The following NTM variants were observed in gnomAD, a reference collection of about 807,000 sequenced individuals.
NTM encodes the protein IgLON family member 2.
A neutral mutation model predicts 42.1 loss-of-function variants in NTM; 13 were observed. That is an observed-to-expected ratio of 0.31 (90% CI 0.20 to 0.49). The LOEUF is 0.49. NTM is among the 20% of genes least tolerant of loss of function. NTM has a pLI of 0.99. For synonymous variants in NTM, 187 were observed against 179.2 expected (o/e 1.04, Z -0.35); for missense variants, 373 against 452.8 (o/e 0.82, Z 1.60).
intron 3 of NTM, among the ~76,000 whole-genome samples, chr11:132,157,612 T>G (rs1270237218): frequency 6.6e-6 from 1 of 152,178 alleles, no homozygotes; most frequent in Non-Finnish European, 1.5e-5. Context: ...GGGACCAGAG[T>G]TGAAGATTAA....
At chr11:132,068,511 C>T (rs1007281999) in intron 2 of NTM, among the ~76,000 whole-genome samples, 13 of 152,172 alleles carry the variant, frequency 8.5e-5, no homozygotes, top group African/African-American at 1.2e-4. Context: ...TCTATGGATT[C>T]GCTGGTAAAG....
intron 1 of NTM, among the ~76,000 whole-genome samples, chr11:131,840,965 A>G (rs1208665278): frequency 6.6e-6 from 1 of 152,238 alleles, no homozygotes; most frequent in Non-Finnish European, 1.5e-5. Context: ...ATGGTGAATG[A>G]ACTAGTGGGA....
intron 1 of NTM, among the ~76,000 whole-genome samples, chr11:131,422,550 C>T (rs958305535): frequency 1.3e-5 from 2 of 152,200 alleles, no homozygotes. Flanking sequence ...GGGCAAATCT[C>T]AGAATCCCCC....
chr11:131,801,369 G>A lies in NTM; in HGVS notation c.83-110195G>A, dbSNP rs184520840. 2.5e-3 allele frequency among the ~76,000 whole-genome samples: 382 copies of A among 152,244 alleles called. 7 individuals are homozygous for A. Among genetic ancestry groups the A allele is most frequent in the African/African-American group, 8.5e-3 (355 of 41,550 alleles). On this transcript the variant is annotated intron_variant, in intron 1 of 8. Coordinates refer to ENST00000683400, the MANE Select transcript of NTM (RefSeq NM_001352005.2). Reference sequence around the variant, plus strand: ...GATGTCCAGGTCATCCCTGAGCGAGGGAGAAGGCCAGTAGCCAGTCCTGGG... The same window carrying A: ...GATGTCCAGGTCATCCCTGAGCGAGAGAGAAGGCCAGTAGCCAGTCCTGGG...
intron 4 of NTM, among the ~76,000 whole-genome samples, chr11:132,301,103 G>T (rs890501825): frequency 6.6e-6 from 1 of 152,176 alleles, no homozygotes; most frequent in Admixed American, 6.5e-5. Flanking sequence ...AAGAAAAGAG[G>T]TTTAATCGAC....
intron 2 of NTM, among the ~76,000 whole-genome samples, chr11:132,143,778 A>G (rs1371879111): frequency 6.6e-6 from 1 of 152,130 alleles, no homozygotes; most frequent in East Asian, 1.9e-4. Context: ...TTCTTGAGAG[A>G]TTTCAAACTT....
intron 1 of NTM, among the ~76,000 whole-genome samples, chr11:131,481,282 C>T (rs1437163587): frequency 6.6e-6 from 1 of 152,148 alleles, no homozygotes; most frequent in Non-Finnish European, 1.5e-5. Flanking sequence ...TGGAAAAGTC[C>T]TAGAAGATCC....
chr11:131,959,505 G>A (rs2061909200), intron 2 of NTM, among the ~76,000 whole-genome samples: 1 of 151,894 alleles, frequency 6.6e-6, no homozygotes, highest in African/African-American at 2.4e-5. Flanking sequence ...GTGTAGTGGT[G>A]CATGCCTGTG....
intron 1 of NTM, among the ~76,000 whole-genome samples, chr11:131,685,074 T>C (rs748836980): frequency 3.3e-5 from 5 of 152,188 alleles, no homozygotes; most frequent in Non-Finnish European, 5.9e-5. Context: ...AATTCTAAGT[T>C]GGAGTGAATT....
chr11:131,587,519 A>T (rs748133801), intron 1 of NTM, among the ~76,000 whole-genome samples: 1 of 152,216 alleles, frequency 6.6e-6, no homozygotes, highest in Non-Finnish European at 1.5e-5. Context: ...ACCATTTCAG[A>T]CAAATTCAAA....
At chr11:131,734,107 G>A (rs571691338) in intron 1 of NTM, among the ~76,000 whole-genome samples, 1 of 152,298 alleles carries the variant, frequency 6.6e-6, no homozygotes, top group South Asian at 2.1e-4. Context: ...ACCCTCCAGT[G>A]GGGCCATGCA....
intron 1 of NTM, among the ~76,000 whole-genome samples, chr11:131,731,334 A>G (rs1454390698): frequency 1.3e-5 from 2 of 152,172 alleles, no homozygotes; most frequent in Non-Finnish European, 2.9e-5. Flanking sequence ...CATATTGCTT[A>G]AAATAACTCG....
intron 1 of NTM, among the ~76,000 whole-genome samples, chr11:131,467,900 G>T (rs1952049697): frequency 6.6e-6 from 1 of 152,122 alleles, no homozygotes; most frequent in South Asian, 2.1e-4. Flanking sequence ...TATGGGCCAG[G>T]ATGTCTTCTG....
intron 1 of NTM, among the ~76,000 whole-genome samples, chr11:131,694,543 G>A (rs2075190310): frequency 6.6e-6 from 1 of 152,174 alleles, no homozygotes; most frequent in African/African-American, 2.4e-5. Flanking sequence ...ACATCCCTCT[G>A]GGTTCTGAAG....
At chr11:131,565,359 C>A (rs901326126) in intron 1 of NTM, among the ~76,000 whole-genome samples, 3 of 152,206 alleles carry the variant, frequency 2.0e-5, no homozygotes, top group Non-Finnish European at 4.4e-5. Context: ...AAAATCCAAC[C>A]AATATTGTTG....
chr11:131,500,030 C>G (rs2046539334), intron 1 of NTM, among the ~76,000 whole-genome samples: 1 of 152,150 alleles, frequency 6.6e-6, no homozygotes. Flanking sequence ...GTGTGTGGTC[C>G]CCCCATGCCT....
At chr11:132,334,077 A>G (rs1466786999) in intron 8 of NTM, among the ~76,000 whole-genome samples, 2 of 152,258 alleles carry the variant, frequency 1.3e-5, no homozygotes, top group Non-Finnish European at 2.9e-5. Context: ...GAGCAGGTCC[A>G]GTCTGAGGAG....
intron 1 of NTM, among the ~76,000 whole-genome samples, chr11:131,562,495 T>C (rs2056366215): frequency 6.6e-6 from 1 of 151,996 alleles, no homozygotes; most frequent in African/African-American, 2.4e-5. Context: ...GTTCCTGGGT[T>C]CCACTGCTCT....
chr11:131,542,911 C>T (rs1249504466), intron 1 of NTM, among the ~76,000 whole-genome samples: 2 of 152,130 alleles, frequency 1.3e-5, no homozygotes, highest in African/African-American at 2.4e-5. Context: ...TGACCTACAC[C>T]CAGATCCTCT....
Sources: allele counts gnomAD v4.1 joint callset (sites outside exome capture counted in the v4.1 genomes callset), GRCh38; gene constraint gnomAD v4.1.1; transcripts MANE v1.5; gene names NCBI Gene and HGNC (gene_info 2026-07-23, HGNC 2026-07-21).